The following WDR70 variants were observed in gnomAD, a reference collection of about 807,000 sequenced individuals.
WDR70 encodes WD repeat domain 70, also known as WD repeat-containing protein 70.
Under a neutral mutation model 88.6 loss-of-function variants are expected in WDR70, and 53 were observed. The ratio of observed to expected loss-of-function variants is 0.60; its 90% CI spans 0.48 to 0.75. WDR70 has a LOEUF of 0.75. Among genes scored for constraint, WDR70 ranks in the 30% least tolerant of loss-of-function variants. The probability of loss-of-function intolerance (pLI) is 0.00; values close to 1 mark genes in which losing one functional copy is unlikely to be tolerated. For missense variants in WDR70, 610 were observed against 823.2 expected (o/e 0.74, Z 3.17); for synonymous variants, 280 against 270.0 (o/e 1.04, Z -0.36).
At chr5:37,580,094 C>G (rs1743176513) in intron 9 of WDR70, among the ~76,000 whole-genome samples, 1 of 152,144 alleles carries the variant, frequency 6.6e-6, no homozygotes. Context: ...CATAGAAACT[C>G]AAATATTCCT....
At chr5:37,463,484 T>C (rs1229285616) in intron 7 of WDR70, among the ~76,000 whole-genome samples, 2 of 152,164 alleles carry the variant, frequency 1.3e-5, no homozygotes, top group East Asian at 3.9e-4. Context: ...CTTGTTTTGC[T>C]AGCTGAGCAA....
At chr5:37,579,857 T>C (rs1265450720) in intron 9 of WDR70, among the ~76,000 whole-genome samples, 1 of 152,118 alleles carries the variant, frequency 6.6e-6, no homozygotes, top group East Asian at 1.9e-4. Context: ...TTCCACCTTC[T>C]CTTCAATTTC....
chr5:37,503,464 A>G (rs547907678), intron 8 of WDR70, among the ~76,000 whole-genome samples: 31 of 151,428 alleles, frequency 2.0e-4, no homozygotes, highest in Non-Finnish European at 3.8e-4. Flanking sequence ...CTTCCCCTCT[A>G]TGTCTCTGTG....
chr5:37,573,052 T>C (rs1280000679), intron 9 of WDR70, among the ~76,000 whole-genome samples: 1 of 152,204 alleles, frequency 6.6e-6, no homozygotes, highest in African/African-American at 2.4e-5. Context: ...CTTTACTCCC[T>C]CAGGGATCCT....
intron 9 of WDR70, among the ~76,000 whole-genome samples, chr5:37,542,019 T>C (rs1741833807): frequency 6.6e-6 from 1 of 152,124 alleles, no homozygotes; most frequent in Non-Finnish European, 1.5e-5. Context: ...ATTTGAAATA[T>C]GTGTATTGGT....
intron 5 of WDR70, among the ~76,000 whole-genome samples, chr5:37,403,618 A>C (rs1170812581): frequency 6.6e-6 from 1 of 152,192 alleles, no homozygotes; most frequent in African/African-American, 2.4e-5. Context: ...AACCAATTTC[A>C]CATAGTGGAG....
chr5:37,629,666 TATATC>T (rs781397356), intron 10 of WDR70, among the ~76,000 whole-genome samples: 1 of 152,198 alleles, frequency 6.6e-6, no homozygotes, highest in East Asian at 1.9e-4. Context: ...ATTTATTACT[TATATC>T]ATAAGTTGTT....
At chr5:37,692,152 G>A (rs751391479) in intron 10 of WDR70, among the ~76,000 whole-genome samples, 20 of 147,174 alleles carry the variant, frequency 1.4e-4, no homozygotes, top group Non-Finnish European at 2.6e-4. Context: ...CCCACCCCTC[G>A]CAAGACTAAA....
At chr5:37,392,215 T>C in intron 4 of WDR70, 95 bp downstream of exon 4, 1 of 1,385,656 alleles carries the variant, frequency 7.2e-7, no homozygotes, top group Non-Finnish European at 9.8e-7. Context: ...AGATGGAGTC[T>C]TGCTCTATCG....
intron 13 of WDR70, 40 bp from the exon 14 acceptor site, chr5:37,721,075 T>C: frequency 6.3e-7 from 1 of 1,575,982 alleles, no homozygotes; most frequent in Non-Finnish European, 8.7e-7. Context: ...TCCATTTTTA[T>C]CTGGCCTCTT....
intron 10 of WDR70, among the ~76,000 whole-genome samples, chr5:37,667,032 C>T (rs1003758636): frequency 1.3e-5 from 2 of 152,160 alleles, no homozygotes; most frequent in African/African-American, 2.4e-5. Context: ...ATGACTGGAT[C>T]TAGAGGGAGG....
intron 5 of WDR70, among the ~76,000 whole-genome samples, chr5:37,415,310 C>G (rs531805179): frequency 6.6e-6 from 1 of 150,426 alleles, no homozygotes; most frequent in African/African-American, 2.4e-5. Flanking sequence ...ACCTCCCAGA[C>G]GGGGTGGTGG....
chr5:37,413,027 G>A (rs1749572487), intron 5 of WDR70, among the ~76,000 whole-genome samples: 1 of 152,086 alleles, frequency 6.6e-6, no homozygotes, highest in Non-Finnish European at 1.5e-5. Context: ...TAAAAAATTG[G>A]TATGAGAAAA....
chr5:37,532,033 A>G (rs756047805), intron 9 of WDR70, among the ~76,000 whole-genome samples: 1 of 152,174 alleles, frequency 6.6e-6, no homozygotes, highest in Non-Finnish European at 1.5e-5. Context: ...GTTTCACTGG[A>G]TACAAAATTC....
intron 7 of WDR70, among the ~76,000 whole-genome samples, chr5:37,455,976 C>T (rs1363296578): frequency 6.6e-6 from 1 of 152,106 alleles, no homozygotes; most frequent in Non-Finnish European, 1.5e-5. Context: ...GACTATATTA[C>T]ATACAGTTTA....
intron 9 of WDR70, among the ~76,000 whole-genome samples, chr5:37,529,396 A>T (rs574700390): frequency 6.6e-6 from 1 of 152,244 alleles, no homozygotes; most frequent in Non-Finnish European, 1.5e-5. Context: ...CATTCAATTT[A>T]TAGATTGCTT....
Position 37,752,709 on chromosome 5 carries a change from G to A in WDR70, c.*136G>A. The A allele has an allele frequency of 1.5e-6, 1 of 654,668 alleles. No individual in the cohort carries two copies. Among genetic ancestry groups the A allele is most frequent in the Non-Finnish European group, 2.6e-6 (1 of 387,198 alleles). 40.6% of individuals were successfully genotyped at this position (654,668 alleles called of 1,614,324 possible). A position where few individuals can be genotyped will look rare whatever the true frequency, so the allele number is the denominator to read the frequency against. ...CTTTGCATTATTGAACTGGTCAAAA[G>A]TTTGGTGGCTAGGCTTCACTAAAAT... On this transcript the variant is annotated 3_prime_UTR_variant, in exon 18 of 18. Coordinates refer to ENST00000265107, the MANE Select transcript of WDR70 (RefSeq NM_018034.4).
chr5:37,657,131 A>G (rs1745576628), intron 10 of WDR70, among the ~76,000 whole-genome samples: 1 of 152,176 alleles, frequency 6.6e-6, no homozygotes, highest in Non-Finnish European at 1.5e-5. Context: ...TGTTGTAGGC[A>G]TCTGAGGGAA....
intron 10 of WDR70, among the ~76,000 whole-genome samples, chr5:37,691,253 C>A (rs1231116374): frequency 1.3e-5 from 2 of 152,162 alleles, no homozygotes; most frequent in Non-Finnish European, 2.9e-5. Flanking sequence ...TAGACTCCCA[C>A]ACATTAATAA....
Sources: allele counts gnomAD v4.1 joint callset (sites outside exome capture counted in the v4.1 genomes callset), GRCh38; gene constraint gnomAD v4.1.1; transcripts MANE v1.5; gene names NCBI Gene and HGNC (gene_info 2026-07-23, HGNC 2026-07-21).